ZNF75D: variants seen among roughly 807,000 people sequenced by gnomAD.
ZNF75D encodes the protein zinc finger protein 75.
Under a neutral mutation model 33.3 loss-of-function variants are expected in ZNF75D, and 33 were observed. That is an observed-to-expected ratio of 0.99 (90% confidence interval 0.75 to 1.32). ZNF75D has a LOEUF of 1.32. Among genes scored for constraint, ZNF75D ranks in the 40% most tolerant of loss-of-function variants. ZNF75D has a pLI of 0.00. For synonymous variants in ZNF75D, 113 were observed against 130.6 expected (o/e 0.87, Z 0.92); for missense variants, 338 against 367.5 (o/e 0.92, Z 0.66).
chrX:135,298,879 T>C (rs1255534110), intron 1 of ZNF75D, among the ~76,000 whole-genome samples: 1 of 112,220 alleles, frequency 8.9e-6, no homozygotes, highest in Non-Finnish European at 1.9e-5. Flanking sequence ...AATGGAATCA[T>C]ATGATATGTG....
chrX:135,249,036 T>C (rs2148456127), exon 4 of ZNF75D: 1 of 325,753 alleles, frequency 3.1e-6, no homozygotes, highest in South Asian at 2.7e-5. Flanking sequence ...TTGTGTGGCG[T>C]GTCGGCAAAG....
chrX:135,283,208 C>A (rs782170200), downstream of ZNF75D, among the ~76,000 whole-genome samples: 2 of 111,872 alleles, frequency 1.8e-5, no homozygotes, highest in East Asian at 5.6e-4. Flanking sequence ...TGACCTCTCC[C>A]TTTATATCTC....
downstream of ZNF75D, among the ~76,000 whole-genome samples, chrX:135,281,419 T>C (rs1556418493): frequency 9.0e-6 from 1 of 110,718 alleles, no homozygotes; most frequent in Non-Finnish European, 1.9e-5. Context: ...CTTCCTTGCA[T>C]TGGGTTAGAA....
intron 1 of ZNF75D, among the ~76,000 whole-genome samples, chrX:135,264,253 C>T (rs1486195227): frequency 9.0e-6 from 1 of 111,287 alleles, no homozygotes; most frequent in African/African-American, 3.3e-5. Context: ...ACCATCAGAT[C>T]TCATGAGAAC....
chrX:135,292,424 G>C lies in ZNF75D; in HGVS notation c.461C>G (p.Ala154Gly). Residue 154 changes from alanine (A) to glycine (G), a missense_variant, in exon 4 of 7, where the codon GCA becomes GGA. By Grantham distance (60) the Ala-to-Gly change is moderately conservative. Transcript: ENST00000370766. Reference sequence around the variant, plus strand: ...CTTCCACTTGAAGCCTGGGGCCACTGCTGTTCCTCCCAAGAGCACTGCCTC... The same window carrying C: ...CTTCCACTTGAAGCCTGGGGCCACTCCTGTTCCTCCCAAGAGCACTGCCTC... ...GKEAVLLGGTAVAPGFKWKPA... is the reference protein window; with the variant it reads ...GKEAVLLGGTGVAPGFKWKPA... 8.3e-6 allele frequency: 10 copies of C among 1,211,618 alleles called. No homozygotes were observed. The highest frequency in any genetic ancestry group is 1.1e-5 in the Non-Finnish European group (10 of 895,429).
intron 1 of ZNF75D, among the ~76,000 whole-genome samples, chrX:135,303,843 T>A (rs1556425283): frequency 8.9e-6 from 1 of 112,572 alleles, no homozygotes; most frequent in Non-Finnish European, 1.9e-5. Flanking sequence ...AGCCTCTTTC[T>A]AAGCCCCTAT....
Position 135,331,434 on chromosome X carries a change from G to A in ZNF75D, c.-391+10334C>T, listed in dbSNP as rs782636123. On this transcript the variant is annotated intron_variant, in intron 1 of 6. Coordinates refer to ENST00000370766, the MANE Select transcript of ZNF75D (RefSeq NM_007131.5). Reference sequence around the variant, plus strand: ...AAAGGACTGGGAAATACAGGTATTCGCTCTGAGACAAGTGAAATGAGAATT... The same window carrying A: ...AAAGGACTGGGAAATACAGGTATTCACTCTGAGACAAGTGAAATGAGAATT... 9.1e-5 allele frequency among the ~76,000 whole-genome samples: 10 copies of A among 110,041 alleles called. No individual in the cohort carries two copies. The South Asian group carries it at 2.4e-3, about 26-fold the overall frequency.
chrX:135,299,045 T>A (rs2084175626), intron 1 of ZNF75D, among the ~76,000 whole-genome samples: 1 of 112,685 alleles, frequency 8.9e-6, no homozygotes, highest in Non-Finnish European at 1.9e-5. Flanking sequence ...TTAATTGGTA[T>A]TTGAATTTTT....
intron 1 of ZNF75D, among the ~76,000 whole-genome samples, chrX:135,325,774 G>A (rs2084561248): frequency 9.2e-6 from 1 of 109,007 alleles, no homozygotes; most frequent in Non-Finnish European, 1.9e-5. Context: ...GAGCCTCCCT[G>A]AGAGGCGCCA....
chrX:135,343,612 G>T lies in ZNF75D; in HGVS notation c.-2235C>A, dbSNP rs1328398917. The T allele has an allele frequency of 8.9e-6, 1 of 111,965 alleles. No individual in the cohort carries two copies. The highest frequency in any genetic ancestry group is 9.4e-5 in the Admixed American group (1 of 10,679). 9.2% of individuals were successfully genotyped at this position (111,965 alleles called of 1,213,427 possible). On this transcript the variant is annotated 5_prime_UTR_variant, in exon 1 of 7. Transcript: ENST00000370766. ...GGAGCAGCAGGAGTTCTGGCTCCGGGCGTAGGAACTTCCATAGTTTCCCTC... is the reference window on the plus strand; with the variant it reads ...GGAGCAGCAGGAGTTCTGGCTCCGGTCGTAGGAACTTCCATAGTTTCCCTC...
chrX:135,331,051 G>C (rs1490841437), intron 1 of ZNF75D, among the ~76,000 whole-genome samples: 1 of 112,011 alleles, frequency 8.9e-6, no homozygotes, highest in Non-Finnish European at 1.9e-5. Flanking sequence ...CAGATGAAAA[G>C]ATATTTGAGA....
chrX:135,289,823 C>A (rs919206697), intron 6 of ZNF75D, among the ~76,000 whole-genome samples: 1 of 111,820 alleles, frequency 8.9e-6, no homozygotes, highest in African/African-American at 3.3e-5. Context: ...TGGCAGAAGA[C>A]CTTTACGTGT....
chrX:135,317,060 T>C (rs73557217), intron 1 of ZNF75D, among the ~76,000 whole-genome samples: 2,553 of 111,436 alleles, frequency 0.023, 78 homozygotes, highest in African/African-American at 0.078. Flanking sequence ...CGTCCTTACA[T>C]TGATACTTGC....
At chrX:135,310,622 C>A (rs1556427642) in intron 1 of ZNF75D, among the ~76,000 whole-genome samples, 1 of 111,839 alleles carries the variant, frequency 8.9e-6, no homozygotes, top group African/African-American at 3.3e-5. Context: ...GTCCCCTCCA[C>A]CTCTCCTTCC....
chrX:135,280,736 T>A lies in ZNF75D; in HGVS notation n.828-24959A>T, dbSNP rs139994296. On this transcript the variant is annotated intron_variant and non_coding_transcript_variant, in intron 1 of 3. Coordinates refer to the ZNF75D transcript ENST00000494295. ...TGTCTGTAAAGGATTTTATTTCTCC[T>A]TTGCTTATTAAGCTTAGTTTGTCTG... Among the ~76,000 whole-genome samples, 721 of 111,945 alleles carry A rather than the reference T, an allele frequency of 6.4e-3. 10 individuals carry two copies. Among genetic ancestry groups the A allele is most frequent in the African/African-American group, 0.023 (694 of 30,762 alleles).
chrX:135,338,745 T>G (rs1220596636), intron 1 of ZNF75D, among the ~76,000 whole-genome samples: 1 of 111,891 alleles, frequency 8.9e-6, no homozygotes. Flanking sequence ...GTTTAAAATA[T>G]AATCACTTTT....
At chrX:135,273,133 T>G in intron 1 of ZNF75D, among the ~76,000 whole-genome samples, 1 of 111,978 alleles carries the variant, frequency 8.9e-6, no homozygotes, top group African/African-American at 3.3e-5. Context: ...TTGGGATTTA[T>G]TTTTCACCTT....
intron 1 of ZNF75D, among the ~76,000 whole-genome samples, chrX:135,259,896 T>C (rs1280883929): frequency 1.8e-5 from 2 of 111,999 alleles, no homozygotes; most frequent in African/African-American, 3.3e-5. Flanking sequence ...ATGCTTCCAG[T>C]TTTTGTCCAT....
rs1490630696 is a variant in ZNF75D, at chrX:135,320,076, C to T, written c.-391+21692G>A. Among the ~76,000 whole-genome samples, 44 of 111,795 alleles carry T rather than the reference C, an allele frequency of 3.9e-4. No individual in the cohort carries two copies. The Admixed American group carries it at 4.1e-3, about 10-fold the overall frequency. On this transcript the variant is annotated intron_variant, in intron 1 of 6. Transcript: ENST00000370766. ...TTGGGAGGCCAAGGCAGGCAGGCCA[C>T]GAGGTCAGGAGTTTGAGACCAGCCT...
Sources: allele counts gnomAD v4.1 joint callset (sites outside exome capture counted in the v4.1 genomes callset), GRCh38; gene constraint gnomAD v4.1.1; transcripts MANE v1.5; gene names NCBI Gene and HGNC (gene_info 2026-07-23, HGNC 2026-07-21).